ADCK1: variants seen among roughly 807,000 people sequenced by gnomAD.
ADCK1 encodes aarF domain-containing protein kinase 1.
ADCK1 carries 41 observed loss-of-function variants against 52.3 expected under a neutral mutation model. That is an observed-to-expected ratio of 0.78 (90% CI 0.61 to 1.02). The LOEUF (loss-of-function observed/expected upper bound fraction) is 1.02, where lower values mean the gene tolerates loss of function less well. Among genes scored for constraint, ADCK1 ranks in the 50% least tolerant of loss-of-function variants. The pLI, the probability that ADCK1 is intolerant of heterozygous loss-of-function variation, is 0.00. For missense variants in ADCK1, 658 were observed against 679.5 expected (o/e 0.97, Z 0.35); for synonymous variants, 250 against 274.6 (o/e 0.91, Z 0.89).
intron 1 of ADCK1, among the ~76,000 whole-genome samples, chr14:77,814,695 C>CAAAAAAAAAAAAAAAAAA (rs995163952): frequency 2.8e-5 from 1 of 35,922 alleles, no homozygotes; most frequent in Non-Finnish European, 5.5e-5. Flanking sequence ...AAGACACTCT[C>CAAAAAAAAAAAAAAAAAA]AAAAAAAAAA....
intron 3 of ADCK1, among the ~76,000 whole-genome samples, chr14:77,837,993 T>G (rs2081995271): frequency 6.6e-6 from 1 of 152,142 alleles, no homozygotes; most frequent in African/African-American, 2.4e-5. Context: ...ATATAACTAA[T>G]AAAATTGACG....
At chr14:77,895,274 C>T (rs1374750231) in intron 5 of ADCK1, among the ~76,000 whole-genome samples, 2 of 152,176 alleles carry the variant, frequency 1.3e-5, no homozygotes, top group Admixed American at 1.3e-4. Context: ...TACGATTCCC[C>T]CAAATTCAGA....
At chr14:77,811,890 T>C (rs1594854533) in intron 1 of ADCK1, among the ~76,000 whole-genome samples, 1 of 152,062 alleles carries the variant, frequency 6.6e-6, no homozygotes, top group Non-Finnish European at 1.5e-5. Context: ...CATAATAAAA[T>C]GGGGACAGGG....
At chr14:77,861,395 A>G (rs2082543501) in intron 4 of ADCK1, among the ~76,000 whole-genome samples, 1 of 151,826 alleles carries the variant, frequency 6.6e-6, no homozygotes, top group South Asian at 2.1e-4. Flanking sequence ...TGTGGGAAGA[A>G]GGGTGGGTGC....
intron 6 of ADCK1, among the ~76,000 whole-genome samples, chr14:77,899,485 T>A (rs987216745): frequency 2.0e-5 from 3 of 152,232 alleles, no homozygotes; most frequent in African/African-American, 7.2e-5. Context: ...ATTAAACAGA[T>A]GTTTATTGAA....
At chr14:77,880,002 T>G (rs577639767) in intron 4 of ADCK1, among the ~76,000 whole-genome samples, 56 of 152,250 alleles carry the variant, frequency 3.7e-4, no homozygotes, top group African/African-American at 1.3e-3. Flanking sequence ...GAAACTGAGG[T>G]ACAGTGGATT....
At chr14:77,857,446 C>T (rs551869292) in intron 3 of ADCK1, among the ~76,000 whole-genome samples, 1 of 152,252 alleles carries the variant, frequency 6.6e-6, no homozygotes, top group South Asian at 2.1e-4. Context: ...TCATTCTCCT[C>T]TGCTATCAAA....
At chr14:77,855,760 A>G (rs1405388382) in intron 3 of ADCK1, among the ~76,000 whole-genome samples, 1 of 152,208 alleles carries the variant, frequency 6.6e-6, no homozygotes, top group East Asian at 1.9e-4. Context: ...ATTCTCTCTA[A>G]TCAAAGCTGG....
intron 4 of ADCK1, among the ~76,000 whole-genome samples, chr14:77,879,440 G>A (rs1470965474): frequency 6.6e-6 from 1 of 152,200 alleles, no homozygotes. Flanking sequence ...AAGAATGAGT[G>A]GGGGAAGGGA....
Position 77,933,591 on chromosome 14 carries a change from C to T in ADCK1, c.*200C>T, listed in dbSNP as rs1015914774. On this transcript the variant is annotated 3_prime_UTR_variant, in exon 11 of 11. Transcript: ENST00000238561. ...TCAGGGCCCACAAGCTGAACTGTGG[C>T]ATAGCTCTCTCTTCTTCTCCAAGAA... 10 of 583,478 alleles carry T rather than the reference C, an allele frequency of 1.7e-5. No homozygotes were observed. Among genetic ancestry groups the T allele is most frequent in the Non-Finnish European group, 2.7e-5 (9 of 335,868 alleles). The allele number at this position is 583,478 out of a possible 1,614,324, so 36.1% of individuals were successfully genotyped here.
intron 4 of ADCK1, among the ~76,000 whole-genome samples, chr14:77,862,115 T>TTG (rs1187694839): frequency 1.3e-5 from 2 of 151,980 alleles, no homozygotes; most frequent in African/African-American, 2.4e-5. Flanking sequence ...AAAAAAGCAG[T>TTG]TGTGTGTGTG....
intron 3 of ADCK1, among the ~76,000 whole-genome samples, chr14:77,855,893 A>G (rs533531748): frequency 4.1e-4 from 63 of 152,212 alleles, no homozygotes; most frequent in Non-Finnish European, 7.4e-4. Flanking sequence ...CATAATATTT[A>G]TTATTCATAA....
intron 1 of ADCK1, among the ~76,000 whole-genome samples, chr14:77,806,523 T>C (rs1488912711): frequency 1.3e-5 from 2 of 152,206 alleles, no homozygotes; most frequent in Non-Finnish European, 2.9e-5. Flanking sequence ...GATCTAGCTC[T>C]GCCTTGCCTG....
At chr14:77,921,341 A>AAAAAAAAAAAAAAAG (rs2084052460) in intron 7 of ADCK1, among the ~76,000 whole-genome samples, 1 of 149,546 alleles carries the variant, frequency 6.7e-6, no homozygotes, top group African/African-American at 2.4e-5. Context: ...AAAAAAAAAA[A>AAAAAAAAAAAAAAAG]AAAAAAAGAA....
rs562565501 is a variant in ADCK1, at chr14:77,859,283, C to T, written c.423+4C>T. 17 of 1,611,888 alleles carry T rather than the reference C, an allele frequency of 1.1e-5. No homozygotes were observed. Among genetic ancestry groups the T allele is most frequent in the Non-Finnish European group, 1.4e-5 (16 of 1,179,152 alleles). ...CCGAGAAGATCTGGGCAAGGAGGTA[C>T]CCACCTTTGCAGGGGGGATGGGCCT... On this transcript the variant is annotated splice_donor_region_variant and intron_variant, in intron 4 of 10. Coordinates refer to ENST00000238561, the MANE Select transcript of ADCK1 (RefSeq NM_020421.4).
intron 9 of ADCK1, 138 bp from the exon 10 acceptor site, chr14:77,931,380 G>A (rs1288815558): frequency 6.1e-6 from 5 of 822,838 alleles, no homozygotes; most frequent in Non-Finnish European, 7.5e-6. Flanking sequence ...GCTCCTAGCA[G>A]TGCCAAGACA....
intron 6 of ADCK1, among the ~76,000 whole-genome samples, chr14:77,901,231 A>G (rs530686193): frequency 2.0e-5 from 3 of 149,158 alleles, no homozygotes; most frequent in South Asian, 4.2e-4. Flanking sequence ...TTTTTTTTTT[A>G]GTAGAGATGG....
In ADCK1 at chr14:77,931,681, T is replaced by A. The variant is rs1338950664; in HGVS notation, c.1370T>A (p.Met457Lys). The A allele has an allele frequency of 1.2e-6, 2 of 1,606,542 alleles. No homozygotes were observed. Among genetic ancestry groups the A allele is most frequent in the African/African-American group, 1.3e-5 (1 of 75,046 alleles). ...TRASASSFLNMSRCCIRALAE... is the reference protein window; with the variant it reads ...TRASASSFLNKSRCCIRALAE... ...GCCAGCGCCAGCTCCTTTCTCAACA[T>A]GTCACGTTGCTGCATCAGAGCGCTA... is the stretch of plus-strand genomic sequence containing the variant. Residue 457 changes from methionine (M) to lysine (K), a missense_variant, in exon 10 of 11, where the codon ATG becomes AAG. Transcript: ENST00000238561.
chr14:77,913,620 G>A (rs1216761870), intron 7 of ADCK1, among the ~76,000 whole-genome samples: 1 of 152,214 alleles, frequency 6.6e-6, no homozygotes, highest in Admixed American at 6.5e-5. Context: ...GACCTTTATC[G>A]AAGGTTAATT....
Sources: gnomAD v4.1 joint callset for allele counts (sites outside exome capture counted in the v4.1 genomes callset) on GRCh38, gnomAD v4.1.1 for gene constraint, MANE v1.5 for transcripts, NCBI Gene and HGNC (gene_info 2026-07-23, HGNC 2026-07-21) for gene names.